Variants in UBAP2 observed in about 807,000 individuals in gnomAD.
The protein encoded by UBAP2 is ubiquitin associated protein 2.
UBAP2 carries 75 observed loss-of-function variants against 139.6 expected under a neutral mutation model. That is an observed-to-expected ratio of 0.54 (90% CI 0.45 to 0.65). The LOEUF is 0.65. UBAP2 is among the 30% of genes least tolerant of loss of function. UBAP2 has a pLI of 0.00. For missense variants in UBAP2, 1,368 were observed against 1,369.6 expected (o/e 1.00, Z 0.02); for synonymous variants, 526 against 526.2 (o/e 1.00, Z 0.01).
intron 1 of UBAP2, among the ~76,000 whole-genome samples, chr9:34,037,126 T>C (rs1372428021): frequency 2.0e-5 from 3 of 151,830 alleles, no homozygotes; most frequent in Non-Finnish European, 2.9e-5. Context: ...TTAGCTGAGA[T>C]TACAGAGGCG....
intron 6 of UBAP2, among the ~76,000 whole-genome samples, chr9:33,982,022 T>G (rs1261938406): frequency 1.3e-5 from 2 of 152,166 alleles, no homozygotes; most frequent in Non-Finnish European, 2.9e-5. Flanking sequence ...TGTTAAGATA[T>G]AAGACAGTTG....
intron 10 of UBAP2, among the ~76,000 whole-genome samples, chr9:33,957,177 T>C (rs561031549): frequency 1.3e-5 from 2 of 152,328 alleles, no homozygotes; most frequent in African/African-American, 4.8e-5. Flanking sequence ...TCTTTAGTAC[T>C]TAATTGATCA....
intron 8 of UBAP2, among the ~76,000 whole-genome samples, chr9:33,969,765 C>G (rs934784075): frequency 1.3e-5 from 2 of 150,752 alleles, no homozygotes; most frequent in Admixed American, 1.3e-4. Flanking sequence ...ACTCAGGACA[C>G]TGAAGCAAGA....
chr9:34,003,363 C>T (rs369714092), intron 2 of UBAP2, among the ~76,000 whole-genome samples: 7 of 136,658 alleles, frequency 5.1e-5, no homozygotes, highest in Admixed American at 1.7e-4. Context: ...TCTGTACATA[C>T]ATCAAAGATG....
Position 33,953,349 on chromosome 9 carries a change from T to C in UBAP2, c.992A>G (p.Asn331Ser), listed in dbSNP as rs768413108. Residue 331 changes from asparagine to serine, a missense_variant, in exon 12 of 29, where the codon AAC (asparagine) becomes AGC (serine). Physicochemically the swap from Asn to Ser is conservative, Grantham distance 46. Coordinates refer to ENST00000379238, the MANE Select transcript of UBAP2 (RefSeq NM_001370062.2). Reference sequence around the variant, plus strand: ...GCCAGTCCCTGGTGCCATCTGATTGTTGTGTTGCGAATTTGTGAAGACAAG... The same window carrying C: ...GCCAGTCCCTGGTGCCATCTGATTGCTGTGTTGCGAATTTGTGAAGACAAG... The part of the protein sequence containing the change: ...QALVFTNSQH[N>S]NQMAPGTGSS... The C allele has an allele frequency of 2.1e-5, 34 of 1,614,054 alleles. 1 individual carries two copies. The South Asian group carries it at 2.9e-4, about 14-fold the overall frequency.
intron 1 of UBAP2, among the ~76,000 whole-genome samples, chr9:34,039,388 G>C (rs1032145565): frequency 1.3e-5 from 2 of 152,178 alleles, no homozygotes; most frequent in Admixed American, 6.5e-5. Context: ...CCATGATGAC[G>C]ATGGCGGTTT....
At chr9:33,927,732 G>C (rs1210691374) in intron 20 of UBAP2, 65 bp downstream of exon 20, 1 of 1,513,628 alleles carries the variant, frequency 6.6e-7, no homozygotes, top group African/African-American at 1.4e-5. Context: ...CTGCCTTCCT[G>C]GGACGCCAAG....
At chr9:33,924,116 CCTCT>C in intron 23 of UBAP2, 86 bp downstream of exon 23, 1 of 1,580,042 alleles carries the variant, frequency 6.3e-7, no homozygotes, top group East Asian at 2.2e-5. Context: ...TACTAAGAGG[CCTCT>C]CTCAGCTTGC....
rs1211694697 is a variant in UBAP2, at chr9:33,932,605, C to T, written c.2132G>A (p.Ser711Asn). 1 of 1,613,994 alleles carries T rather than the reference C, an allele frequency of 6.2e-7. No individual in the cohort carries two copies. Among genetic ancestry groups the T allele is most frequent in the Non-Finnish European group, 8.5e-7 (1 of 1,180,048 alleles). The change falls in exon 19 of 29, where the codon AGC (serine) becomes AAC (asparagine). Residue 711 changes from serine (S) to asparagine (N), a missense_variant. Ser to Asn is a conservative substitution (Grantham distance 46). Coordinates refer to ENST00000379238, the MANE Select transcript of UBAP2 (RefSeq NM_001370062.2). ...LSSSLSSHQS[S>N]LSAHAALSSS... ...GGAGAGGGCTGCATGTGCAGAGAGG[C>T]TGCTCTGGTGGCTGGAGAGCGAACT... is the stretch of plus-strand genomic sequence containing the variant.
chr9:33,924,499 T>A (rs1370194670), intron 22 of UBAP2, among the ~76,000 whole-genome samples: 1 of 152,228 alleles, frequency 6.6e-6, no homozygotes, highest in Non-Finnish European at 1.5e-5. Flanking sequence ...CGGCCAACCC[T>A]GCAGCTTCAC....
chr9:33,975,818 A>C (rs1363414177), intron 6 of UBAP2, among the ~76,000 whole-genome samples: 1 of 151,798 alleles, frequency 6.6e-6, no homozygotes, highest in African/African-American at 2.4e-5. Flanking sequence ...AAAAAAAAAA[A>C]AGTAAAATGG....
chr9:34,047,646 A>G (rs1293165837), intron 1 of UBAP2, among the ~76,000 whole-genome samples: 1 of 152,246 alleles, frequency 6.6e-6, no homozygotes, highest in Non-Finnish European at 1.5e-5. Context: ...TATGCCCTTC[A>G]AATAAAAGAT....
chr9:34,024,510 TA>T (rs1825239659), intron 1 of UBAP2, among the ~76,000 whole-genome samples: 1 of 152,090 alleles, frequency 6.6e-6, no homozygotes, highest in Non-Finnish European at 1.5e-5. Flanking sequence ...TCCCTATTCA[TA>T]AAAAGTCTTA....
chr9:33,937,663 G>T (rs986231024), intron 16 of UBAP2, among the ~76,000 whole-genome samples: 1 of 148,714 alleles, frequency 6.7e-6, no homozygotes, highest in African/African-American at 2.5e-5. Flanking sequence ...ATCCTGGCAC[G>T]TTGGGCAGCT....
intron 22 of UBAP2, among the ~76,000 whole-genome samples, chr9:33,925,427 TAGAA>T (rs1210945595): frequency 6.6e-6 from 1 of 152,068 alleles, no homozygotes; most frequent in Non-Finnish European, 1.5e-5. Context: ...ACCCGAGGGA[TAGAA>T]AGAGCAACAT....
chr9:33,954,269 T>TACACACACACACACACACACACACACAC (rs60078088), intron 11 of UBAP2, among the ~76,000 whole-genome samples: 34 of 139,810 alleles, frequency 2.4e-4, no homozygotes, highest in Non-Finnish European at 4.3e-4. Flanking sequence ...TGTGTGTATA[T>TACACACACACACACACACACACACACAC]ACACACACAC....
intron 22 of UBAP2, 35 bp from the exon 23 acceptor site, chr9:33,924,319 G>T (rs759814876): frequency 1.3e-6 from 2 of 1,595,012 alleles, no homozygotes; most frequent in South Asian, 1.1e-5. Flanking sequence ...TCAGCGACTG[G>T]CCCTGCTTGA....
intron 22 of UBAP2, 115 bp downstream of exon 22, chr9:33,926,502 G>T: frequency 9.5e-6 from 11 of 1,161,712 alleles, no homozygotes; most frequent in Non-Finnish European, 1.4e-5. Flanking sequence ...GGTGCTGAGA[G>T]GTTCCTCAGG....
chr9:33,989,490 C>T (rs527600115), intron 4 of UBAP2, among the ~76,000 whole-genome samples: 15 of 152,170 alleles, frequency 9.9e-5, no homozygotes, highest in African/African-American at 3.4e-4. Context: ...CGTGAGCCAC[C>T]GCGCCCGGCA....
Sources: allele counts gnomAD v4.1 joint callset (sites outside exome capture counted in the v4.1 genomes callset), GRCh38; gene constraint gnomAD v4.1.1; transcripts MANE v1.5; gene names NCBI Gene and HGNC (gene_info 2026-07-23, HGNC 2026-07-21).